PPP3CA: variants seen among roughly 807,000 people sequenced by gnomAD.
PPP3CA encodes CAM-PRP catalytic subunit.
PPP3CA carries 14 observed loss-of-function variants against 66.5 expected under a neutral mutation model. That is an observed-to-expected ratio of 0.21 (90% CI 0.14 to 0.33). The LOEUF (loss-of-function observed/expected upper bound fraction) is 0.33, where lower values mean the gene tolerates loss of function less well. PPP3CA is among the 10% of genes least tolerant of loss of function. PPP3CA has a pLI of 1.00. For synonymous variants in PPP3CA, 232 were observed against 226.2 expected, an observed-to-expected ratio of 1.03 and a Z score of -0.23; for missense variants, 317 against 639.5, an observed-to-expected ratio of 0.50 and a Z score of 5.44.
At chr4:101,193,967 T>C (rs1724705834) in intron 2 of PPP3CA, among the ~76,000 whole-genome samples, 2 of 152,158 alleles carry the variant, frequency 1.3e-5, no homozygotes, top group Admixed American at 1.3e-4. Context: ...GAGGAAAATA[T>C]GGTAGTGGCT....
chr4:101,166,015 A>C (rs535355886), intron 2 of PPP3CA, among the ~76,000 whole-genome samples: 10 of 152,312 alleles, frequency 6.6e-5, no homozygotes, highest in Middle Eastern at 3.4e-3. Flanking sequence ...AATACATACA[A>C]CCAGATAAAA....
chr4:101,334,496 C>A (rs1230745278), intron 1 of PPP3CA, among the ~76,000 whole-genome samples: 7 of 152,014 alleles, frequency 4.6e-5, no homozygotes, highest in Admixed American at 4.6e-4. Flanking sequence ...AAAGTTAACT[C>A]TCAAAAAGGC....
At chr4:101,117,769 T>G (rs1280180027) in intron 2 of PPP3CA, among the ~76,000 whole-genome samples, 1 of 151,884 alleles carries the variant, frequency 6.6e-6, no homozygotes, top group African/African-American at 2.4e-5. Context: ...CCAAGTTTGG[T>G]CAGTCCTGGA....
At position 101,145,104 on chromosome 4, in the gene PPP3CA, A is replaced by T. The variant is rs948423911; in HGVS notation, c.260-36026T>A. Among the ~76,000 whole-genome samples the T allele has an allele frequency of 2.1e-4, 32 of 152,172 alleles. 1 individual carries two copies. Among genetic ancestry groups the T allele is most frequent in the Middle Eastern group, 3.2e-3 (1 of 316 alleles). Reference sequence around the variant, plus strand: ...CTGCTTTCATTTCTCATGGACTGTGATGTACACATTTTGGAAAACACTGCT... The same window carrying T: ...CTGCTTTCATTTCTCATGGACTGTGTTGTACACATTTTGGAAAACACTGCT... On this transcript the variant is annotated intron_variant, in intron 2 of 13. Coordinates refer to ENST00000394854, the MANE Select transcript of PPP3CA (RefSeq NM_000944.5).
At chr4:101,152,890 G>A (rs183850891) in intron 2 of PPP3CA, among the ~76,000 whole-genome samples, 2 of 152,222 alleles carry the variant, frequency 1.3e-5, no homozygotes, top group East Asian at 3.9e-4. Flanking sequence ...GAAAAAAAAC[G>A]CGAAAGCATT....
chr4:101,326,606 T>A (rs1166695609), intron 1 of PPP3CA, among the ~76,000 whole-genome samples: 1 of 152,174 alleles, frequency 6.6e-6, no homozygotes, highest in Non-Finnish European at 1.5e-5. Context: ...TAGACTAGAT[T>A]CCATCACAAA....
intron 3 of PPP3CA, among the ~76,000 whole-genome samples, chr4:101,104,527 A>C (rs1408283614): frequency 2.0e-5 from 3 of 152,040 alleles, no homozygotes; most frequent in Admixed American, 6.6e-5. Flanking sequence ...TTAGTGGAAG[A>C]ACACAGGCTT....
intron 2 of PPP3CA, among the ~76,000 whole-genome samples, chr4:101,143,790 C>G (rs995543069): frequency 1.3e-5 from 2 of 152,158 alleles, no homozygotes; most frequent in Non-Finnish European, 2.9e-5. Context: ...CCAGATCTCC[C>G]AAATGAACTC....
At chr4:101,249,488 G>T (rs896535155) in intron 1 of PPP3CA, among the ~76,000 whole-genome samples, 4 of 151,846 alleles carry the variant, frequency 2.6e-5, no homozygotes, top group East Asian at 1.9e-4. Flanking sequence ...GTGTGTGTGT[G>T]TTTTTTAGTA....
chr4:101,252,185 C>G (rs764819755), intron 1 of PPP3CA, among the ~76,000 whole-genome samples: 1 of 152,150 alleles, frequency 6.6e-6, no homozygotes, highest in African/African-American at 2.4e-5. Context: ...TAGCAGAATT[C>G]AAACTCTAGT....
rs144766537 is a variant in PPP3CA, at chr4:101,310,747, T to C, written c.58+35992A>G. Reference sequence around the variant, plus strand: ...AGTGAAACTACTGAAATCCAAAAAATTTCTTGAGAATAAAATACACAACAA... The same window carrying C: ...AGTGAAACTACTGAAATCCAAAAAACTTCTTGAGAATAAAATACACAACAA... On this transcript the variant is annotated intron_variant, in intron 1 of 13. Coordinates refer to ENST00000394854, the MANE Select transcript of PPP3CA (RefSeq NM_000944.5). Among the ~76,000 whole-genome samples the C allele has an allele frequency of 4.6e-5, 7 of 152,294 alleles. No individual in the cohort carries two copies. The East Asian group carries it at 1.4e-3, about 29-fold the overall frequency.
chr4:101,294,737 C>T (rs1728142100), intron 1 of PPP3CA, among the ~76,000 whole-genome samples: 1 of 151,866 alleles, frequency 6.6e-6, no homozygotes, highest in Admixed American at 6.6e-5. Context: ...GAGTTCTATG[C>T]ATTGTAGGAT....
At position 101,237,742 on chromosome 4, in the gene PPP3CA, G is replaced by A. The variant is rs10004357; in HGVS notation, c.59-41626C>T. On this transcript the variant is annotated intron_variant, in intron 1 of 13. Coordinates refer to ENST00000394854, the MANE Select transcript of PPP3CA (RefSeq NM_000944.5). ...GTCCCCAGCAAAGTCTGATACTTGG[G>A]GGGCAACTGCAGCAGATGCTGTGGG... 2.6e-5 allele frequency among the ~76,000 whole-genome samples: 4 copies of A among 151,806 alleles called. No individual in the cohort carries two copies. The South Asian group carries it at 8.3e-4, about 31-fold the overall frequency.
intron 2 of PPP3CA, among the ~76,000 whole-genome samples, chr4:101,132,398 T>TA (rs1722473559): frequency 6.6e-6 from 1 of 151,808 alleles, no homozygotes; most frequent in African/African-American, 2.4e-5. Flanking sequence ...ATAGAAACAC[T>TA]AAAAAATGAT....
chr4:101,287,265 C>A (rs1727873310), intron 1 of PPP3CA, among the ~76,000 whole-genome samples: 1 of 151,996 alleles, frequency 6.6e-6, no homozygotes, highest in Non-Finnish European at 1.5e-5. Flanking sequence ...TTGAATTAGC[C>A]ACCATCTTAC....
At chr4:101,298,881 GTGTGTA>G (rs1190448049) in intron 1 of PPP3CA, among the ~76,000 whole-genome samples, 1 of 131,294 alleles carries the variant, frequency 7.6e-6, no homozygotes. Context: ...GTGTGTGTGT[GTGTGTA>G]TACACTCATG....
At chr4:101,172,862 T>C (rs1215374966) in intron 2 of PPP3CA, among the ~76,000 whole-genome samples, 1 of 152,110 alleles carries the variant, frequency 6.6e-6, no homozygotes, top group African/African-American at 2.4e-5. Flanking sequence ...AATGATCCTG[T>C]AAAAAAAGGC....
At chr4:101,242,470 C>A (rs1334548498) in intron 1 of PPP3CA, among the ~76,000 whole-genome samples, 1 of 151,678 alleles carries the variant, frequency 6.6e-6, no homozygotes, top group Non-Finnish European at 1.5e-5. Context: ...GAGACAAGTG[C>A]CAGAGAATAA....
At chr4:101,231,363 C>T (rs1237090251) in intron 1 of PPP3CA, among the ~76,000 whole-genome samples, 1 of 151,640 alleles carries the variant, frequency 6.6e-6, no homozygotes, top group African/African-American at 2.4e-5. Context: ...GACTATTTAT[C>T]AATGAGTCCA....
Sources: allele counts gnomAD v4.1 joint callset (sites outside exome capture counted in the v4.1 genomes callset), GRCh38; gene constraint gnomAD v4.1.1; transcripts MANE v1.5; gene names NCBI Gene and HGNC (gene_info 2026-07-23, HGNC 2026-07-21).